TMEM165: variants seen among roughly 807,000 people sequenced by gnomAD.
TMEM165 encodes the protein putative divalent cation/proton antiporter TMEM165.
In TMEM165, 19 loss-of-function variants were observed where a neutral mutation model predicts 30.0. The ratio of observed to expected loss-of-function variants is 0.63; its 90% CI spans 0.44 to 0.93. TMEM165 has a LOEUF of 0.93. TMEM165 is among the 40% of genes least tolerant of loss of function. The pLI, the probability that TMEM165 is intolerant of heterozygous loss-of-function variation, is 0.00. For missense variants in TMEM165, 340 were observed against 417.0 expected (o/e 0.82, Z 1.61); for synonymous variants, 168 against 162.9 (o/e 1.03, Z -0.24).
At chr4:55,443,559 A>G (rs1723544645) in intron 3 of TMEM165, 1 of 765,444 alleles carries the variant, frequency 1.3e-6, no homozygotes, top group Non-Finnish European at 2.3e-6. Flanking sequence ...CACTCTCAAT[A>G]CTATACTTTC....
At chr4:55,451,789 G>GATA (rs1297646048) in intron 3 of TMEM165, among the ~76,000 whole-genome samples, 2 of 152,192 alleles carry the variant, frequency 1.3e-5, no homozygotes, top group Non-Finnish European at 2.9e-5. Context: ...AACATACTAT[G>GATA]TCCTCTTCTT....
chr4:55,430,297 C>G (rs1560402839), downstream of TMEM165: 1 of 152,010 alleles, frequency 6.6e-6, no homozygotes, highest in Non-Finnish European at 1.5e-5. Context: ...CTGAGGAAAC[C>G]CAGGCAGCTT....
intron 1 of TMEM165, among the ~76,000 whole-genome samples, chr4:55,404,492 C>G (rs769054600): frequency 1.4e-4 from 21 of 152,112 alleles, no homozygotes; most frequent in Non-Finnish European, 1.0e-4. Context: ...GTGGCACAAT[C>G]ATAGCTTACT....
At chr4:55,449,765 T>TA (rs1350115967) in intron 3 of TMEM165, among the ~76,000 whole-genome samples, 1 of 151,862 alleles carries the variant, frequency 6.6e-6, no homozygotes, top group East Asian at 1.9e-4. Flanking sequence ...GAGAAGACAA[T>TA]AAAAAACTTT....
At chr4:55,419,294 G>A (rs1162155781) in intron 4 of TMEM165, among the ~76,000 whole-genome samples, 1 of 152,096 alleles carries the variant, frequency 6.6e-6, no homozygotes, top group African/African-American at 2.4e-5. Context: ...TCTGGCCTAG[G>A]TGACTTGTTT....
rs191839551 is a variant in TMEM165, at chr4:55,405,498, A to G, written c.208-6116A>G. On this transcript the variant is annotated intron_variant, in intron 1 of 5. Transcript: ENST00000381334. ...AATGCTTTTTATCACCCCAAGTGGA[A>G]TGTATATGAAACCAAACCCCTTGTT... 5.3e-5 allele frequency among the ~76,000 whole-genome samples: 8 copies of G among 152,288 alleles called. No individual in the cohort carries two copies. In the East Asian group the frequency reaches 9.6e-4, roughly 18 times the overall value.
At chr4:55,432,631 G>A (rs576179125) in intron 3 of TMEM165, 1 of 112,852 alleles carries the variant, frequency 8.9e-6, no homozygotes, top group East Asian at 3.2e-4. Flanking sequence ...GGCAGGGTGG[G>A]GGGCGGGATA....
intron 1 of TMEM165, among the ~76,000 whole-genome samples, chr4:55,405,203 C>G (rs1023419689): frequency 6.6e-6 from 1 of 152,072 alleles, no homozygotes; most frequent in African/African-American, 2.4e-5. Context: ...TAGAGTACGT[C>G]CTCACTTAAT....
chr4:55,438,635 G>A (rs921180827), intron 3 of TMEM165: 1 of 1,559,742 alleles, frequency 6.4e-7, no homozygotes, highest in South Asian at 1.1e-5. Context: ...AATACCCAAT[G>A]ACATTGCCAG....
intron 1 of TMEM165, among the ~76,000 whole-genome samples, chr4:55,400,218 ATAT>A (rs375108155): frequency 2.6e-4 from 3 of 11,332 alleles, no homozygotes; most frequent in African/African-American, 7.4e-4. Flanking sequence ...TATTTATATT[ATAT>A]ATTAATATAT....
chr4:55,438,689 A>G (rs1426952477), intron 3 of TMEM165: 1 of 1,232,590 alleles, frequency 8.1e-7, no homozygotes, highest in Non-Finnish European at 1.1e-6. Context: ...TTTCATTTTA[A>G]AAGATTCCCT....
intron 3 of TMEM165, among the ~76,000 whole-genome samples, chr4:55,439,160 C>T (rs1352967295): frequency 6.6e-6 from 1 of 152,090 alleles, no homozygotes; most frequent in Non-Finnish European, 1.5e-5. Context: ...GCTCCTTCAA[C>T]TCAACAACAA....
At chr4:55,442,481 T>C in intron 3 of TMEM165, 2 of 1,606,092 alleles carry the variant, frequency 1.2e-6, no homozygotes, top group Non-Finnish European at 1.7e-6. Flanking sequence ...CTCTGGGTGC[T>C]GTTTTGTGGC....
At chr4:55,426,791 G>A (rs900789617), downstream of TMEM165, among the ~76,000 whole-genome samples, 2 of 152,154 alleles carry the variant, frequency 1.3e-5, no homozygotes, top group African/African-American at 4.8e-5. Flanking sequence ...TGTCCTACAT[G>A]GTAACTCTGT....
chr4:55,402,917 A>G, intron 1 of TMEM165, among the ~76,000 whole-genome samples: 1 of 144,652 alleles, frequency 6.9e-6, no homozygotes, highest in Admixed American at 7.2e-5. Context: ...TCAGCCTCCC[A>G]AGTAGCTGGG....
chr4:55,452,938 C>T (rs2412647), exon 4 of TMEM165: 508,902 of 747,116 alleles, frequency 0.68, 174,738 homozygotes, highest in South Asian at 0.81. Flanking sequence ...ATCACATCCC[C>T]GTTATAAGTG....
At chr4:55,424,411 C>T in intron 4 of TMEM165, 127 bp from the exon 5 acceptor site, 2 of 614,590 alleles carry the variant, frequency 3.3e-6, no homozygotes. Flanking sequence ...TATTATACAC[C>T]TGCATTTTTA....
At chr4:55,435,659 TCA>T (rs1722820545) in intron 3 of TMEM165, 1 of 1,511,852 alleles carries the variant, frequency 6.6e-7, no homozygotes, top group African/African-American at 1.4e-5. Flanking sequence ...TAATAGTTAC[TCA>T]CACTCTCCCC....
Position 55,411,869 on chromosome 4 carries a change from G to A in TMEM165, c.433+30G>A, listed in dbSNP as rs747538681. 1.7e-5 allele frequency: 28 copies of A among 1,600,736 alleles called. No homozygotes were observed. In the South Asian group the frequency reaches 2.9e-4, roughly 16 times the overall value. On this transcript the variant is annotated intron_variant, in intron 2 of 5. Coordinates refer to ENST00000381334, the MANE Select transcript of TMEM165 (RefSeq NM_018475.5). The stretch of plus-strand genomic sequence containing the variant: ...GTGTGCTTTTCCCTCTCATGAGTTC[G>A]CTGAATTAAAGGGAAAGCGTGTTGT...
Sources: allele counts gnomAD v4.1 joint callset (sites outside exome capture counted in the v4.1 genomes callset), GRCh38; gene constraint gnomAD v4.1.1; transcripts MANE v1.5; gene names NCBI Gene and HGNC (gene_info 2026-07-23, HGNC 2026-07-21).